Variants in GALNTL6 observed in about 807,000 individuals in gnomAD.
GALNTL6 encodes polypeptide N-acetylgalactosaminyltransferase-like 6.
GALNTL6 carries 46 observed loss-of-function variants against 73.7 expected under a neutral mutation model. The observed-to-expected ratio is 0.62, with a 90% CI of 0.49 to 0.80. The LOEUF (loss-of-function observed/expected upper bound fraction) is 0.80, where lower values mean the gene tolerates loss of function less well. Ranked by LOEUF, GALNTL6 falls within the 30% of genes least tolerant of loss-of-function variation. The pLI, the probability that GALNTL6 is intolerant of heterozygous loss-of-function variation, is 0.00. For synonymous variants in GALNTL6, 259 were observed against 263.7 expected, an observed-to-expected ratio of 0.98 and a Z score of 0.17; for missense variants, 604 against 755.0, an observed-to-expected ratio of 0.80 and a Z score of 2.34.
At chr4:172,749,847 C>A (rs1235339760) in intron 5 of GALNTL6, among the ~76,000 whole-genome samples, 1 of 144,820 alleles carries the variant, frequency 6.9e-6, no homozygotes, top group Non-Finnish European at 1.5e-5. Context: ...GATATTTACT[C>A]TTTGTAGACT....
At chr4:172,400,326 A>G (rs1579036745) in intron 5 of GALNTL6, among the ~76,000 whole-genome samples, 2 of 152,308 alleles carry the variant, frequency 1.3e-5, no homozygotes, top group Admixed American at 1.3e-4. Context: ...ATTCTAATAC[A>G]TTTTAATTTT....
intron 2 of GALNTL6, among the ~76,000 whole-genome samples, chr4:171,998,832 T>C (rs189559125): frequency 6.6e-6 from 1 of 152,018 alleles, no homozygotes; most frequent in African/African-American, 2.4e-5. Context: ...GAAATAATGG[T>C]TGTTAGAGAT....
intron 5 of GALNTL6, among the ~76,000 whole-genome samples, chr4:172,356,509 CACTT>C (rs1461880420): frequency 6.6e-6 from 1 of 152,136 alleles, no homozygotes; most frequent in African/African-American, 2.4e-5. Context: ...TGAATTATAA[CACTT>C]ACTCAATAAA....
chr4:172,695,090 G>A (rs755595657), intron 5 of GALNTL6, among the ~76,000 whole-genome samples: 1 of 152,190 alleles, frequency 6.6e-6, no homozygotes, highest in Non-Finnish European at 1.5e-5. Flanking sequence ...ATAGTATATA[G>A]TGTGTCCATC....
At chr4:172,217,925 T>A (rs1437970337) in intron 2 of GALNTL6, among the ~76,000 whole-genome samples, 2 of 152,144 alleles carry the variant, frequency 1.3e-5, no homozygotes, top group African/African-American at 4.8e-5. Flanking sequence ...AACTGAGTTC[T>A]AATGTCTTGG....
intron 2 of GALNTL6, among the ~76,000 whole-genome samples, chr4:171,883,674 G>T (rs1177915144): frequency 6.7e-6 from 1 of 150,252 alleles, no homozygotes; most frequent in Non-Finnish European, 1.5e-5. Flanking sequence ...TTGAGATAGA[G>T]TCTCGCTCTG....
At chr4:172,781,173 G>A (rs1039154956) in intron 5 of GALNTL6, among the ~76,000 whole-genome samples, 62 of 152,148 alleles carry the variant, frequency 4.1e-4, no homozygotes, top group African/African-American at 1.4e-3. Flanking sequence ...GGAGAGCAGC[G>A]ACAGGTACCA....
chr4:172,487,303 T>TTCCTTCC (rs1561106767), intron 5 of GALNTL6, among the ~76,000 whole-genome samples: 21 of 70,726 alleles, frequency 3.0e-4, no homozygotes, highest in Non-Finnish European at 5.8e-4. Flanking sequence ...TCCTTCTGTC[T>TTCCTTCC]TTCTTTCTTT....
At chr4:172,742,162 G>T (rs2110741352) in intron 5 of GALNTL6, among the ~76,000 whole-genome samples, 1 of 151,876 alleles carries the variant, frequency 6.6e-6, no homozygotes, top group African/African-American at 2.4e-5. Flanking sequence ...AGCTGGTTAG[G>T]ATCCTTTAGA....
chr4:172,788,187 A>C (rs1739768554), intron 5 of GALNTL6, among the ~76,000 whole-genome samples: 1 of 35,626 alleles, frequency 2.8e-5, no homozygotes, highest in Non-Finnish European at 7.8e-5. Context: ...CTCTACAAAA[A>C]AACAAACAAA....
At chr4:172,556,760 A>G (rs1736157008) in intron 5 of GALNTL6, among the ~76,000 whole-genome samples, 2 of 149,986 alleles carry the variant, frequency 1.3e-5, no homozygotes, top group South Asian at 2.2e-4. Context: ...AAAAAAAAAG[A>G]AGAACAAAGA....
intron 2 of GALNTL6, among the ~76,000 whole-genome samples, chr4:172,173,524 C>G (rs1734900820): frequency 2.6e-5 from 4 of 152,172 alleles, no homozygotes; most frequent in Admixed American, 2.6e-4. Flanking sequence ...GGCCAACCTC[C>G]CCTGTCACAT....
intron 2 of GALNTL6, among the ~76,000 whole-genome samples, chr4:171,943,074 T>C (rs1208139655): frequency 1.3e-5 from 2 of 152,202 alleles, no homozygotes; most frequent in Non-Finnish European, 2.9e-5. Context: ...GGTAGGATTG[T>C]TGTTTTATCA....
chr4:171,995,441 A>T (rs1272436408), intron 2 of GALNTL6, among the ~76,000 whole-genome samples: 1 of 152,072 alleles, frequency 6.6e-6, no homozygotes, highest in African/African-American at 2.4e-5. Flanking sequence ...ATAATAAATT[A>T]TTCTGTACAG....
intron 3 of GALNTL6, among the ~76,000 whole-genome samples, chr4:172,243,515 G>A (rs1048135111): frequency 1.3e-4 from 20 of 152,050 alleles, no homozygotes; most frequent in African/African-American, 4.1e-4. Context: ...TTGGAATAAC[G>A]GCACTCCTAC....
At chr4:172,775,390 G>A (rs1011046212) in intron 5 of GALNTL6, among the ~76,000 whole-genome samples, 3 of 152,220 alleles carry the variant, frequency 2.0e-5, no homozygotes, top group Non-Finnish European at 2.9e-5. Flanking sequence ...GCACCATTTT[G>A]AGACCAGCTT....
chr4:171,823,392 A>G (rs904787471), intron 2 of GALNTL6, among the ~76,000 whole-genome samples: 4 of 152,014 alleles, frequency 2.6e-5, no homozygotes, highest in Non-Finnish European at 5.9e-5. Context: ...TAAAGCAAAG[A>G]GAGAAGCAGC....
intron 8 of GALNTL6, among the ~76,000 whole-genome samples, chr4:172,923,134 G>A (rs1340313429): frequency 1.3e-5 from 2 of 152,126 alleles, no homozygotes; most frequent in East Asian, 3.9e-4. Flanking sequence ...GGGGAAGAGA[G>A]TTTATTAGTT....
intron 9 of GALNTL6, among the ~76,000 whole-genome samples, chr4:172,937,965 T>C (rs1748708092): frequency 6.6e-6 from 1 of 152,244 alleles, no homozygotes; most frequent in East Asian, 1.9e-4. Context: ...TAACAAATTA[T>C]GTTTAATGAC....
Sources: gnomAD v4.1 joint callset for allele counts (sites outside exome capture counted in the v4.1 genomes callset) on GRCh38, gnomAD v4.1.1 for gene constraint, MANE v1.5 for transcripts, NCBI Gene and HGNC (gene_info 2026-07-23, HGNC 2026-07-21) for gene names.